Variants in CAV1 observed in about 807,000 individuals in gnomAD.
The protein encoded by CAV1 is caveolin-1.
In CAV1, 10 loss-of-function variants were observed where a neutral mutation model predicts 16.5. The ratio of observed to expected loss-of-function variants is 0.61; its 90% CI spans 0.37 to 1.03. The LOEUF is 1.03. Ranked by LOEUF, CAV1 falls within the 50% of genes least tolerant of loss-of-function variation. CAV1 has a pLI of 0.01. For synonymous variants in CAV1, 76 were observed against 85.1 expected (o/e 0.89, Z 0.59); for missense variants, 212 against 232.8 (o/e 0.91, Z 0.58).
At position 116,525,055 on chromosome 7, in the gene CAV1, G is replaced by C. The variant is rs949825414; in HGVS notation, c.-8G>C. ...CTCCTCACAGTTTTCATCCAGCCAC[G>C]GGCCAGCATGTCTGGGGGCAAATAC... On this transcript the variant is annotated 5_prime_UTR_variant, in exon 1 of 3. Coordinates refer to ENST00000341049, the MANE Select transcript of CAV1 (RefSeq NM_001753.5). 8 of 1,614,074 alleles carry C rather than the reference G, an allele frequency of 5.0e-6. No homozygotes were observed. Among genetic ancestry groups the C allele is most frequent in the African/African-American group, 1.3e-5 (1 of 74,938 alleles).
intron 2 of CAV1, among the ~76,000 whole-genome samples, chr7:116,552,296 A>G (rs1202352677): frequency 6.6e-6 from 1 of 152,172 alleles, no homozygotes; most frequent in African/African-American, 2.4e-5. Context: ...ACTTGTATCA[A>G]TGTAAAGCAA....
chr7:116,530,179 G>A (rs1793655912), intron 2 of CAV1, among the ~76,000 whole-genome samples: 1 of 139,960 alleles, frequency 7.1e-6, no homozygotes, highest in Non-Finnish European at 1.5e-5. Context: ...GTAAGTCACT[G>A]CTACATGGAA....
rs1554356427 is a variant in CAV1, at chr7:116,546,702, A to AAAAAAAAAAAAATAAAT, written c.196-12232_196-12231insTAAATAAAAAAAAAAAA. ...ACAAGAATGAGACTCTGTCACAAAA[A>AAAAAAAAAAAAATAAAT]AAAAAAAAAAAAGTCTGCAGGCTGC... is the stretch of plus-strand genomic sequence containing the variant. On this transcript the variant is annotated intron_variant, in intron 2 of 2. Coordinates refer to ENST00000341049, the MANE Select transcript of CAV1 (RefSeq NM_001753.5). Among the ~76,000 whole-genome samples the AAAAAAAAAAAAATAAAT allele has an allele frequency of 3.3e-4, 47 of 143,054 alleles. 1 individual carries two copies. Among genetic ancestry groups the AAAAAAAAAAAAATAAAT allele is most frequent in the Non-Finnish European group, 4.6e-4 (30 of 65,374 alleles). 93.8% of individuals were successfully genotyped at this position (143,054 alleles called of 152,430 possible). A position where few individuals can be genotyped will look rare whatever the true frequency, so the allele number is the denominator to read the frequency against.
intron 2 of CAV1, among the ~76,000 whole-genome samples, chr7:116,553,979 A>G (rs1794214412): frequency 6.6e-6 from 1 of 152,194 alleles, no homozygotes; most frequent in African/African-American, 2.4e-5. Flanking sequence ...CAGTAGTGGA[A>G]GAGCCCAGGA....
chr7:116,549,358 A>G (rs767252929), intron 2 of CAV1, among the ~76,000 whole-genome samples: 16 of 152,148 alleles, frequency 1.1e-4, no homozygotes, highest in Non-Finnish European at 2.1e-4. Context: ...ACATGCTTCA[A>G]CCTATATTTT....
intron 2 of CAV1, among the ~76,000 whole-genome samples, chr7:116,538,365 C>T (rs1460539770): frequency 1.3e-5 from 2 of 152,174 alleles, no homozygotes; most frequent in Non-Finnish European, 2.9e-5. Flanking sequence ...CTAAGAAGAA[C>T]AATTAAAATG....
chr7:116,536,173 G>A (rs1364939975), intron 2 of CAV1, among the ~76,000 whole-genome samples: 2 of 152,170 alleles, frequency 1.3e-5, no homozygotes, highest in Non-Finnish European at 2.9e-5. Context: ...AGATTGGGAG[G>A]ACAAGAAGCA....
In CAV1 at chr7:116,546,522, T is replaced by C. The variant is rs146459769; in HGVS notation, c.196-12424T>C. 6.2e-3 allele frequency among the ~76,000 whole-genome samples: 923 copies of C among 148,306 alleles called. 7 individuals are homozygous for C. The highest frequency in any genetic ancestry group is 0.022 in the African/African-American group (884 of 39,624). ...CTCGCCAACATGGTGAAATCCTGCC[T>C]CTACTAAAAATAAAAAAAAAAAAAA... On this transcript the variant is annotated intron_variant, in intron 2 of 2. Transcript: ENST00000341049.
At position 116,526,596 on chromosome 7, in the gene CAV1, C is replaced by T; in HGVS notation, c.102C>T (p.Asp34=). The T allele has an allele frequency of 6.2e-7, 1 of 1,614,160 alleles. No individual in the cohort carries two copies. The highest frequency in any genetic ancestry group is 8.5e-7 in the Non-Finnish European group (1 of 1,180,030). ...AGCCCAACAACAAGGCCATGGCAGA[C>T]GAGCTGAGCGAGAAGCAAGTGTACG... is the stretch of plus-strand genomic sequence containing the variant. ...IYKPNNKAMA[D]ELSEKQVYDA... The change falls in exon 2 of 3, where the codon GAC becomes GAT. Residue 34 remains aspartate, a synonymous_variant. Transcript: ENST00000341049.
At chr7:116,530,776 C>T (rs569688456) in intron 2 of CAV1, among the ~76,000 whole-genome samples, 12 of 143,366 alleles carry the variant, frequency 8.4e-5, no homozygotes, top group South Asian at 2.2e-4. Context: ...TAGTAAAATG[C>T]GGAGTCTGTA....
rs541086874 is a variant in CAV1 at position 116,531,694 on chromosome 7, C to T, written c.195+5005C>T. 2.6e-5 allele frequency among the ~76,000 whole-genome samples: 4 copies of T among 152,294 alleles called. No individual in the cohort carries two copies. In the South Asian group the frequency reaches 6.2e-4, roughly 24 times the overall value. On this transcript the variant is annotated intron_variant, in intron 2 of 2. Coordinates refer to ENST00000341049, the MANE Select transcript of CAV1 (RefSeq NM_001753.5). ...TGCTGGTGCGCTGCACCCACTAACTCGTTGTCTAGCATTAGGTTTAAAAGA... is the reference window on the plus strand; with the variant it reads ...TGCTGGTGCGCTGCACCCACTAACTTGTTGTCTAGCATTAGGTTTAAAAGA...
intron 2 of CAV1, among the ~76,000 whole-genome samples, chr7:116,557,764 G>C (rs761995870): frequency 6.6e-6 from 1 of 151,722 alleles, no homozygotes; most frequent in Non-Finnish European, 1.5e-5. Flanking sequence ...CTTCAAACTT[G>C]AGTGACAGCA....
intron 2 of CAV1, among the ~76,000 whole-genome samples, chr7:116,551,087 TC>T (rs1262623515): frequency 1.3e-5 from 2 of 152,180 alleles, no homozygotes; most frequent in Non-Finnish European, 2.9e-5. Context: ...CACACTCTAG[TC>T]TTTTGCACGA....
rs1053129173 is a variant in CAV1, at chr7:116,561,052, T to G, written c.*1765T>G. The G allele has an allele frequency of 6.6e-6, 1 of 152,666 alleles. No individual in the cohort carries two copies. The highest frequency in any genetic ancestry group is 1.5e-5 in the Non-Finnish European group (1 of 68,042). 9.5% of individuals were successfully genotyped at this position (152,666 alleles called of 1,614,324 possible). A position where few individuals can be genotyped will look rare whatever the true frequency, so the allele number is the denominator to read the frequency against. ...TTCTACATAGATGCTTAGTCCCTCA[T>G]GCAAATCAATTACTGGTCCAAAAGA... On this transcript the variant is annotated 3_prime_UTR_variant, in exon 3 of 3. Coordinates refer to ENST00000341049, the MANE Select transcript of CAV1 (RefSeq NM_001753.5).
intron 2 of CAV1, among the ~76,000 whole-genome samples, chr7:116,534,651 C>T (rs916717194): frequency 2.0e-5 from 3 of 151,462 alleles, no homozygotes; most frequent in Admixed American, 6.6e-5. Context: ...CCGCTCGCCT[C>T]GGCCTCTCAA....
chr7:116,558,985 C>G lies in CAV1; in HGVS notation c.235C>G (p.His79Asp). ...EDVIAEPEGTHSFDGIWKASF... is the reference protein window; with the variant it reads ...EDVIAEPEGTDSFDGIWKASF... ...TGTGATTGCAGAACCAGAAGGGACA[C>G]ACAGTTTTGACGGCATTTGGAAGGC... The change falls in exon 3 of 3, where the codon CAC becomes GAC. Residue 79 changes from histidine (H) to aspartate (D), a missense_variant. Transcript: ENST00000341049. The G allele has an allele frequency of 9.3e-6, 15 of 1,613,796 alleles. No individual in the cohort carries two copies. The highest frequency in any genetic ancestry group is 1.3e-5 in the Non-Finnish European group (15 of 1,179,854).
Position 116,560,551 on chromosome 7 carries a change from A to AT in CAV1, c.*1265dup, listed in dbSNP as rs1254944328. ...AAGCATCCCTTTGCCCAGAAAGAAG[A>AT]TGGGGGAGGAGGCAGTAATAAAAAG... On this transcript the variant is annotated 3_prime_UTR_variant, in exon 3 of 3. Coordinates refer to ENST00000341049, the MANE Select transcript of CAV1 (RefSeq NM_001753.5). The AT allele has an allele frequency of 6.6e-6, 1 of 152,214 alleles. No homozygotes were observed. Among genetic ancestry groups the AT allele is most frequent in the Non-Finnish European group, 1.5e-5 (1 of 68,044 alleles). 9.4% of individuals were successfully genotyped at this position (152,214 alleles called of 1,614,324 possible). A position where few individuals can be genotyped will look rare whatever the true frequency, so the allele number is the denominator to read the frequency against.
At chr7:116,546,698 A>AAAAAAAAAAAAAAAAT (rs777342742) in intron 2 of CAV1, among the ~76,000 whole-genome samples, 1 of 56,824 alleles carries the variant, frequency 1.8e-5, no homozygotes, top group Non-Finnish European at 3.5e-5. Context: ...ACTCTGTCAC[A>AAAAAAAAAAAAAAAAT]AAAAAAAAAA....
intron 2 of CAV1, among the ~76,000 whole-genome samples, chr7:116,556,234 C>A (rs1450753462): frequency 1.3e-5 from 2 of 152,152 alleles, no homozygotes; most frequent in Non-Finnish European, 2.9e-5. Context: ...ATTAAGAAAT[C>A]TTACACACTC....
Sources: gnomAD v4.1 joint callset for allele counts (sites outside exome capture counted in the v4.1 genomes callset) on GRCh38, gnomAD v4.1.1 for gene constraint, MANE v1.5 for transcripts, NCBI Gene and HGNC (gene_info 2026-07-23, HGNC 2026-07-21) for gene names.